The following TM9SF4 variants were observed in gnomAD, a reference collection of about 807,000 sequenced individuals.
TM9SF4 encodes transmembrane 9 superfamily member 4.
A neutral mutation model predicts 90.4 loss-of-function variants in TM9SF4; 26 were observed. That is an observed-to-expected ratio of 0.29 (90% CI 0.21 to 0.40). The LOEUF is 0.40. Ranked by LOEUF, TM9SF4 falls within the 10% of genes least tolerant of loss-of-function variation. TM9SF4 has a pLI of 1.00. For synonymous variants in TM9SF4, 293 were observed against 315.4 expected (o/e 0.93, Z 0.75); for missense variants, 549 against 834.8 (o/e 0.66, Z 4.22).
At chr20:32,123,146 G>A (rs1600787838) in intron 1 of TM9SF4, among the ~76,000 whole-genome samples, 1 of 121,172 alleles carries the variant, frequency 8.3e-6, no homozygotes, top group Non-Finnish European at 1.7e-5. Flanking sequence ...CTCGGCATGA[G>A]AGGGAGACCA....
intron 1 of TM9SF4, among the ~76,000 whole-genome samples, chr20:32,124,859 T>G (rs1168413435): frequency 6.6e-6 from 1 of 152,208 alleles, no homozygotes; most frequent in Non-Finnish European, 1.5e-5. Context: ...AGTGCTTGGA[T>G]TACGGGTGTG....
At chr20:32,120,797 T>C (rs2046294920) in intron 1 of TM9SF4, among the ~76,000 whole-genome samples, 1 of 121,662 alleles carries the variant, frequency 8.2e-6, no homozygotes. Context: ...CTGCCCTTTA[T>C]CTGATTAAGT....
intron 1 of TM9SF4, among the ~76,000 whole-genome samples, chr20:32,122,259 C>G (rs1376828380): frequency 1.7e-4 from 4 of 23,140 alleles, no homozygotes; most frequent in Non-Finnish European, 2.8e-4. Context: ...GGGGGGCTGA[C>G]CCCCCACCTC....
At position 32,165,564 on chromosome 20, in the gene TM9SF4, G is replaced by C; in HGVS notation, c.*120G>C. ...CGTTTGGAATGTAACTCCTGGCACA[G>C]TGTTCCTGGATCCTGGGGCTGCGTG... On this transcript the variant is annotated 3_prime_UTR_variant, in exon 18 of 18. Transcript: ENST00000398022. The C allele has an allele frequency of 8.0e-7, 1 of 1,249,640 alleles. No individual in the cohort carries two copies. The highest frequency in any genetic ancestry group is 1.1e-6 in the Non-Finnish European group (1 of 890,106). The allele number at this position is 1,249,640 out of a possible 1,614,324, so 77.4% of individuals were successfully genotyped here.
intron 17 of TM9SF4, among the ~76,000 whole-genome samples, chr20:32,164,266 A>G (rs527856000): frequency 1.3e-4 from 20 of 151,800 alleles, no homozygotes; most frequent in East Asian, 7.8e-4. Context: ...GTTCACACCT[A>G]TAATCCTAGC....
At chr20:32,121,532 T>A (rs956472306) in intron 1 of TM9SF4, among the ~76,000 whole-genome samples, 2 of 151,588 alleles carry the variant, frequency 1.3e-5, no homozygotes, top group Admixed American at 6.6e-5. Context: ...AGGTCACAGA[T>A]CAACAGGATC....
intron 9 of TM9SF4, 29 bp from the exon 10 acceptor site, chr20:32,149,605 A>G (rs370035971): frequency 4.5e-5 from 73 of 1,613,864 alleles, no homozygotes; most frequent in Middle Eastern, 3.3e-4. Flanking sequence ...ATCTTCAACA[A>G]CCAGCCTCAC....
chr20:32,129,790 G>T (rs1005070086), intron 1 of TM9SF4, among the ~76,000 whole-genome samples: 1 of 151,998 alleles, frequency 6.6e-6, no homozygotes, highest in Non-Finnish European at 1.5e-5. Context: ...TCACCATGTA[G>T]TCCAGGCTGG....
intron 17 of TM9SF4, among the ~76,000 whole-genome samples, chr20:32,163,767 A>G (rs2281363): frequency 0.14 from 20,926 of 151,672 alleles, 1,509 homozygotes; most frequent in East Asian, 0.18. Context: ...GCACACCACC[A>G]CGCCCGGCTA....
intron 1 of TM9SF4, among the ~76,000 whole-genome samples, chr20:32,123,866 A>ATATATATATATATATATTTT: frequency 1.1e-5 from 1 of 93,960 alleles, no homozygotes; most frequent in African/African-American, 4.5e-5. Flanking sequence ...ATATATATAT[A>ATATATATATATATATATTTT]TTTTTTTTTT....
chr20:32,125,665 G>A (rs1285345469), intron 1 of TM9SF4, among the ~76,000 whole-genome samples: 1 of 148,108 alleles, frequency 6.8e-6, no homozygotes, highest in Non-Finnish European at 1.5e-5. Context: ...GAATTTATAA[G>A]TGATTTCTCT....
chr20:32,146,901 A>T (rs775560596), intron 9 of TM9SF4, 46 bp downstream of exon 9: 19 of 1,562,818 alleles, frequency 1.2e-5, no homozygotes, highest in African/African-American at 2.7e-5. Flanking sequence ...TGGGGAGGGG[A>T]GGAGGACCGT....
chr20:32,120,468 A>G (rs1411805472), intron 1 of TM9SF4, among the ~76,000 whole-genome samples: 1 of 115,880 alleles, frequency 8.6e-6, no homozygotes. Flanking sequence ...TAATTTTTCT[A>G]TATTGATCTT....
intron 8 of TM9SF4, 152 bp from the exon 9 acceptor site, chr20:32,146,633 A>C: frequency 1.7e-6 from 1 of 595,172 alleles, no homozygotes; most frequent in East Asian, 3.1e-5. Flanking sequence ...TCCCCCGAGA[A>C]GAGGCCTTGA....
chr20:32,133,075 G>T lies in TM9SF4; in HGVS notation c.78G>T (p.Val26=), dbSNP rs564638193. 6.2e-7 allele frequency: 1 copy of T among 1,614,144 alleles called. No homozygotes were observed. Among genetic ancestry groups the T allele is most frequent in the Admixed American group, 1.7e-5 (1 of 60,030 alleles). Reference sequence around the variant, plus strand: ...TGTGTGAAACAAGCGCCTTCTATGTGCCTGGGGTCGCGCCTATCAACTTCC... The same window carrying T: ...TGTGTGAAACAAGCGCCTTCTATGTTCCTGGGGTCGCGCCTATCAACTTCC... ...SLMCETSAFY[V]PGVAPINFHQ... is the part of the protein sequence containing the mutation. The change falls in exon 2 of 18, where the codon GTG becomes GTT. Residue 26 remains valine, a synonymous_variant. Coordinates refer to ENST00000398022, the MANE Select transcript of TM9SF4 (RefSeq NM_014742.4).
intron 9 of TM9SF4, among the ~76,000 whole-genome samples, chr20:32,149,244 A>G (rs1039340545): frequency 1.3e-5 from 2 of 152,226 alleles, no homozygotes; most frequent in Non-Finnish European, 2.9e-5. Flanking sequence ...TTCATGCTAC[A>G]TACCAAATTA....
chr20:32,154,463 CT>C (rs1266773033), intron 12 of TM9SF4, among the ~76,000 whole-genome samples: 1 of 150,014 alleles, frequency 6.7e-6, no homozygotes, highest in Non-Finnish European at 1.5e-5. Context: ...TTCTTTTTTT[CT>C]TTTTTTTGAG....
intron 5 of TM9SF4, 56 bp from the exon 6 acceptor site, chr20:32,142,926 C>T: frequency 6.2e-6 from 10 of 1,600,892 alleles, no homozygotes; most frequent in Non-Finnish European, 8.5e-6. Context: ...GCCCTAATAC[C>T]TGGAGAGTAT....
In TM9SF4 at chr20:32,123,866, A is replaced by ATT. The variant is rs1165240152; in HGVS notation, c.16-9137_16-9136dup. Reference sequence around the variant, plus strand: ...CTCTCATATATATATATATATATATATTTTTTTTTTTAAAGAGATAGGGTC... The same window carrying ATT: ...CTCTCATATATATATATATATATATATTTTTTTTTTTTTAAAGAGATAGGGTC... On this transcript the variant is annotated intron_variant, in intron 1 of 17. Coordinates refer to ENST00000398022, the MANE Select transcript of TM9SF4 (RefSeq NM_014742.4). Among the ~76,000 whole-genome samples the ATT allele has an allele frequency of 8.0e-4, 75 of 93,960 alleles. 3 individuals are homozygous for ATT. The highest frequency in any genetic ancestry group is 5.6e-3 in the Middle Eastern group (1 of 180). 61.6% of individuals were successfully genotyped at this position (93,960 alleles called of 152,430 possible). A position where few individuals can be genotyped will look rare whatever the true frequency, so the allele number is the denominator to read the frequency against.
Sources: allele counts gnomAD v4.1 joint callset (sites outside exome capture counted in the v4.1 genomes callset), GRCh38; gene constraint gnomAD v4.1.1; transcripts MANE v1.5; gene names NCBI Gene and HGNC (gene_info 2026-07-23, HGNC 2026-07-21).